Variants in GRB14 observed in about 807,000 individuals in gnomAD.
The protein encoded by GRB14 is growth factor receptor-bound protein 14.
Under a neutral mutation model 69.1 loss-of-function variants are expected in GRB14, and 38 were observed. That is an observed-to-expected ratio of 0.55 (90% confidence interval 0.42 to 0.72). The LOEUF is 0.72. Among genes scored for constraint, GRB14 ranks in the 30% least tolerant of loss-of-function variants. The probability of loss-of-function intolerance (pLI) is 0.00; values close to 1 mark genes in which losing one functional copy is unlikely to be tolerated. For missense variants in GRB14, 666 were observed against 666.1 expected, an observed-to-expected ratio of 1.00 and a Z score of 0.00; for synonymous variants, 247 against 241.3, an observed-to-expected ratio of 1.02 and a Z score of -0.22.
intron 4 of GRB14, 129 bp from the exon 5 acceptor site, chr2:164,525,207 G>C (rs1687738754): frequency 1.4e-6 from 1 of 699,252 alleles, no homozygotes; most frequent in Non-Finnish European, 2.5e-6. Context: ...AAGTGCTTTT[G>C]AAAATGCCCG....
intron 6 of GRB14, among the ~76,000 whole-genome samples, chr2:164,519,246 C>T (rs1424683535): frequency 1.3e-5 from 2 of 152,080 alleles, no homozygotes; most frequent in Admixed American, 1.3e-4. Context: ...TGATACAACA[C>T]ATAAACAGAA....
intron 6 of GRB14, among the ~76,000 whole-genome samples, chr2:164,516,048 C>G (rs1687475574): frequency 6.6e-6 from 1 of 151,690 alleles, no homozygotes; most frequent in Non-Finnish European, 1.5e-5. Context: ...TGAACAAAGC[C>G]TCCAAGAAGT....
rs575143876 is a variant in GRB14 at position 164,524,379 on chromosome 2, T to A, written c.678+625A>T. ...TTATTCATTTATTGTAATGACAATG[T>A]CTTTGAAAATAACCATTTCAAGCCA... On this transcript the variant is annotated intron_variant, in intron 5 of 13. Transcript: ENST00000263915. Among the ~76,000 whole-genome samples the A allele has an allele frequency of 2.6e-5, 4 of 152,228 alleles. No homozygotes were observed. In the East Asian group the frequency reaches 7.7e-4, roughly 29 times the overall value.
In GRB14 at chr2:164,532,616, AG is replaced by A. The variant is rs774469121; in HGVS notation, c.482-5482del. Among the ~76,000 whole-genome samples the A allele has an allele frequency of 3.3e-5, 5 of 152,298 alleles. No homozygotes were observed. In the East Asian group the frequency reaches 9.7e-4, roughly 29 times the overall value. ...AGAGGAAAAGCAATGTGATCAGGGA[AG>A]CAGAGGTTCAAGTGAAATCATCACA... On this transcript the variant is annotated intron_variant, in intron 3 of 13. Coordinates refer to ENST00000263915, the MANE Select transcript of GRB14 (RefSeq NM_004490.3).
At chr2:164,518,357 T>C (rs1488317352) in intron 6 of GRB14, among the ~76,000 whole-genome samples, 1 of 152,126 alleles carries the variant, frequency 6.6e-6, no homozygotes, top group African/African-American at 2.4e-5. Context: ...ACATCTGGGA[T>C]ACAGCAAAGG....
chr2:164,492,676 T>A lies in GRB14; in HGVS notation c.*360A>T. On this transcript the variant is annotated 3_prime_UTR_variant, in exon 14 of 14. Coordinates refer to ENST00000263915, the MANE Select transcript of GRB14 (RefSeq NM_004490.3). ...AATTTAGTGCACAAATAATTATTCCTGACTCCCAATTTATTTCATATTTTG... is the reference window on the plus strand; with the variant it reads ...AATTTAGTGCACAAATAATTATTCCAGACTCCCAATTTATTTCATATTTTG... 6.2e-6 allele frequency: 1 copy of A among 162,448 alleles called. No individual in the cohort carries two copies. Among genetic ancestry groups the A allele is most frequent in the Admixed American group, 6.4e-5 (1 of 15,626 alleles). 10.1% of individuals were successfully genotyped at this position (162,448 alleles called of 1,614,324 possible).
chr2:164,527,870 T>TA (rs1437685895), intron 3 of GRB14, among the ~76,000 whole-genome samples: 2 of 152,012 alleles, frequency 1.3e-5, no homozygotes, highest in Non-Finnish European at 2.9e-5. Context: ...TTCCTATTTT[T>TA]ATAAGAAACT....
chr2:164,620,762 T>C (rs1690438357), intron 1 of GRB14, among the ~76,000 whole-genome samples: 1 of 152,176 alleles, frequency 6.6e-6, no homozygotes. Context: ...TGAATACATT[T>C]ATGCTACGAT....
At chr2:164,553,765 G>C (rs6707624) in intron 2 of GRB14, among the ~76,000 whole-genome samples, 2,660 of 152,212 alleles carry the variant, frequency 0.017, 57 homozygotes, top group African/African-American at 0.061. Context: ...AGGAGTTCGA[G>C]ACCAGCTTGA....
chr2:164,505,288 A>C (rs556703432), intron 8 of GRB14, among the ~76,000 whole-genome samples: 1 of 152,262 alleles, frequency 6.6e-6, no homozygotes, highest in East Asian at 1.9e-4. Context: ...AATAAGCCTC[A>C]TTGAAATGGA....
chr2:164,493,266 T>G, intron 13 of GRB14, 84 bp from the exon 14 acceptor site: 1 of 1,205,078 alleles, frequency 8.3e-7, no homozygotes, highest in Non-Finnish European at 1.2e-6. Flanking sequence ...TATCTCCACA[T>G]GCCAAAACTG....
At chr2:164,503,678 GC>G (rs1185987010) in intron 8 of GRB14, among the ~76,000 whole-genome samples, 1 of 152,054 alleles carries the variant, frequency 6.6e-6, no homozygotes, top group African/African-American at 2.4e-5. Flanking sequence ...GCCTACAATA[GC>G]TTTAAAAAGA....
chr2:164,598,403 G>T (rs1689836973), intron 2 of GRB14, among the ~76,000 whole-genome samples: 1 of 152,134 alleles, frequency 6.6e-6, no homozygotes, highest in Non-Finnish European at 1.5e-5. Context: ...CCTAAATGTT[G>T]TGATTGTTTA....
intron 2 of GRB14, among the ~76,000 whole-genome samples, chr2:164,617,533 T>C (rs900645895): frequency 1.3e-5 from 2 of 152,184 alleles, no homozygotes; most frequent in African/African-American, 4.8e-5. Context: ...CATCCTGCCT[T>C]AACCCTGGCA....
intron 3 of GRB14, among the ~76,000 whole-genome samples, chr2:164,531,333 C>T (rs1162427288): frequency 1.3e-5 from 2 of 152,198 alleles, no homozygotes; most frequent in South Asian, 2.1e-4. Flanking sequence ...GTGCTAAGCA[C>T]GGTATCTGTA....
At chr2:164,605,918 C>T (rs1167962214) in intron 2 of GRB14, among the ~76,000 whole-genome samples, 1 of 152,138 alleles carries the variant, frequency 6.6e-6, no homozygotes, top group Non-Finnish European at 1.5e-5. Context: ...GAAAACTACA[C>T]TAGCACTTCT....
chr2:164,569,830 C>A lies in GRB14; in HGVS notation c.325-22014G>T, dbSNP rs549976621. Among the ~76,000 whole-genome samples, 6 of 152,174 alleles carry A rather than the reference C, an allele frequency of 3.9e-5. No individual in the cohort carries two copies. The East Asian group carries it at 1.2e-3, about 29-fold the overall frequency. On this transcript the variant is annotated intron_variant, in intron 2 of 13. Transcript: ENST00000263915. Reference sequence around the variant, plus strand: ...AGGCATTAATTAATTTGATCCTTATCCAGTTAGGTTTATCATGATCTTTTA... The same window carrying A: ...AGGCATTAATTAATTTGATCCTTATACAGTTAGGTTTATCATGATCTTTTA...
intron 2 of GRB14, among the ~76,000 whole-genome samples, chr2:164,598,735 C>A (rs1689846143): frequency 6.6e-6 from 1 of 152,168 alleles, no homozygotes; most frequent in African/African-American, 2.4e-5. Flanking sequence ...CTAACAGTGA[C>A]CATAGCCATC....
At chr2:164,517,473 A>T (rs1687522759) in intron 6 of GRB14, among the ~76,000 whole-genome samples, 4 of 152,182 alleles carry the variant, frequency 2.6e-5, no homozygotes, top group Admixed American at 1.3e-4. Context: ...TCAGGCAACA[A>T]ATAGCACAAT....
Sources: gnomAD v4.1 joint callset for allele counts (sites outside exome capture counted in the v4.1 genomes callset) on GRCh38, gnomAD v4.1.1 for gene constraint, MANE v1.5 for transcripts, NCBI Gene and HGNC (gene_info 2026-07-23, HGNC 2026-07-21) for gene names.